The following HS3ST5 variants were observed in gnomAD, a reference collection of about 807,000 sequenced individuals.
The protein encoded by HS3ST5 is heparan sulfate glucosamine 3-O-sulfotransferase 5.
Under a neutral mutation model 25.4 loss-of-function variants are expected in HS3ST5, and 10 were observed. The ratio of observed to expected loss-of-function variants is 0.39; its 90% confidence interval spans 0.24 to 0.67. HS3ST5 has a LOEUF of 0.67. Ranked by LOEUF, HS3ST5 falls within the 30% of genes least tolerant of loss-of-function variation. The pLI is 0.44. For synonymous variants in HS3ST5, 170 were observed against 162.4 expected (o/e 1.05, Z -0.36); for missense variants, 324 against 420.7 (o/e 0.77, Z 2.01).
At chr6:114,157,931 C>T (rs1030327107) in intron 3 of HS3ST5, among the ~76,000 whole-genome samples, 10 of 152,136 alleles carry the variant, frequency 6.6e-5, no homozygotes, top group Non-Finnish European at 1.5e-4. Flanking sequence ...CTAATGCTGC[C>T]TCCTCTGCCT....
intron 2 of HS3ST5, among the ~76,000 whole-genome samples, chr6:114,203,060 T>G (rs1781102598): frequency 6.6e-6 from 1 of 152,214 alleles, no homozygotes; most frequent in Non-Finnish European, 1.5e-5. Flanking sequence ...AGTGGGAAAT[T>G]GACAATTAAT....
chr6:114,328,971 T>TAA (rs1334733311), intron 1 of HS3ST5, among the ~76,000 whole-genome samples: 8 of 152,214 alleles, frequency 5.3e-5, no homozygotes, highest in Non-Finnish European at 7.3e-5. Context: ...AAATAGTTTT[T>TAA]TTTAATATCT....
chr6:114,248,028 T>C (rs6914673), intron 1 of HS3ST5, among the ~76,000 whole-genome samples: 85,153 of 150,740 alleles, frequency 0.56, 24,841 homozygotes, highest in African/African-American at 0.72. Context: ...GGCAAAACCC[T>C]GTCTTTACTA....
chr6:114,241,442 T>C (rs569009532), intron 1 of HS3ST5, among the ~76,000 whole-genome samples: 12 of 152,324 alleles, frequency 7.9e-5, no homozygotes, highest in African/African-American at 2.9e-4. Context: ...ACATTCATTA[T>C]GTATTTTCTC....
intron 3 of HS3ST5, among the ~76,000 whole-genome samples, chr6:114,119,810 A>G (rs1363520081): frequency 6.6e-6 from 1 of 152,192 alleles, no homozygotes; most frequent in African/African-American, 2.4e-5. Flanking sequence ...AATTATGTCA[A>G]AATGTTGGGG....
chr6:114,104,428 G>C (rs898772548), intron 3 of HS3ST5, among the ~76,000 whole-genome samples: 8 of 152,144 alleles, frequency 5.3e-5, no homozygotes, highest in African/African-American at 1.7e-4. Flanking sequence ...ATTTTACTCT[G>C]CATTTTCTTC....
intron 3 of HS3ST5, among the ~76,000 whole-genome samples, chr6:114,098,468 ACT>A (rs1415792043): frequency 1.3e-5 from 2 of 149,006 alleles, no homozygotes; most frequent in African/African-American, 2.4e-5. Flanking sequence ...CTTTATGGCC[ACT>A]CTCAAATTAT....
intron 1 of HS3ST5, among the ~76,000 whole-genome samples, chr6:114,323,076 T>C (rs952476821): frequency 4.6e-5 from 7 of 152,046 alleles, no homozygotes; most frequent in South Asian, 2.1e-4. Context: ...AATACACACA[T>C]AGTGGGAGGG....
intron 2 of HS3ST5, among the ~76,000 whole-genome samples, chr6:114,212,869 G>A (rs1582721088): frequency 3.3e-5 from 5 of 152,142 alleles, no homozygotes; most frequent in Admixed American, 3.3e-4. Flanking sequence ...ATGGGAGGGG[G>A]AGAATGCAGG....
intron 1 of HS3ST5, among the ~76,000 whole-genome samples, chr6:114,282,787 A>G (rs1383261890): frequency 6.6e-6 from 1 of 152,036 alleles, no homozygotes; most frequent in African/African-American, 2.4e-5. Context: ...AAGCTTTTAC[A>G]TAGCTAGACA....
intron 1 of HS3ST5, among the ~76,000 whole-genome samples, chr6:114,331,745 G>A (rs1776406333): frequency 6.6e-6 from 1 of 152,026 alleles, no homozygotes; most frequent in African/African-American, 2.4e-5. Flanking sequence ...TAATCTACAG[G>A]TCATTTCTAT....
intron 3 of HS3ST5, among the ~76,000 whole-genome samples, chr6:114,164,143 A>AT (rs60677328): frequency 0.34 from 12,251 of 36,548 alleles, 579 homozygotes; most frequent in South Asian, 0.44. Flanking sequence ...AATATGTAGG[A>AT]TTTTTTTTGC....
intron 3 of HS3ST5, among the ~76,000 whole-genome samples, chr6:114,129,470 T>G (rs978710411): frequency 3.3e-5 from 5 of 152,072 alleles, no homozygotes; most frequent in African/African-American, 4.8e-5. Context: ...TTAGCCAGGA[T>G]GGTCTCGATC....
rs762305668 is a variant in HS3ST5, at chr6:114,055,946, G to A, written c.*1311C>T. The A allele has an allele frequency of 2.0e-4, 30 of 152,230 alleles. No homozygotes were observed. The highest frequency in any genetic ancestry group is 4.1e-4 in the Non-Finnish European group (28 of 68,038). The allele number at this position is 152,230 out of a possible 1,614,324, so 9.4% of individuals were successfully genotyped here. ...ATGGAAATATGAGCCATATGTTTAT[G>A]TTAGTAATGGCAACACTAGGCAGCT... is the stretch of plus-strand genomic sequence containing the variant. On this transcript the variant is annotated 3_prime_UTR_variant, in exon 5 of 5. Coordinates refer to ENST00000312719, the MANE Select transcript of HS3ST5 (RefSeq NM_153612.4).
chr6:114,199,434 C>T (rs144937763), intron 2 of HS3ST5, among the ~76,000 whole-genome samples: 2,387 of 152,106 alleles, frequency 0.016, 24 homozygotes, highest in Non-Finnish European at 0.025. Context: ...ATTCTATGCC[C>T]AAATAAGTTT....
intron 1 of HS3ST5, among the ~76,000 whole-genome samples, chr6:114,251,016 C>T (rs186560354): frequency 1.3e-5 from 2 of 152,126 alleles, no homozygotes; most frequent in African/African-American, 4.8e-5. Context: ...CATGAGAAAA[C>T]CCCTGAAATG....
chr6:114,201,290 G>C (rs1256768173), intron 2 of HS3ST5, among the ~76,000 whole-genome samples: 1 of 152,084 alleles, frequency 6.6e-6, no homozygotes, highest in African/African-American at 2.4e-5. Context: ...TTTACCTATA[G>C]TAAAGAAATC....
chr6:114,097,797 T>C (rs1477393864), intron 3 of HS3ST5, among the ~76,000 whole-genome samples: 1 of 151,968 alleles, frequency 6.6e-6, no homozygotes, highest in African/African-American at 2.4e-5. Context: ...TATTTTCTGG[T>C]TTCCCATCTC....
chr6:114,314,465 T>C (rs1775668602), intron 1 of HS3ST5, among the ~76,000 whole-genome samples: 1 of 152,202 alleles, frequency 6.6e-6, no homozygotes, highest in South Asian at 2.1e-4. Flanking sequence ...GAAATCCATA[T>C]ATATGCCTCT....
Sources: gnomAD v4.1 joint callset for allele counts (sites outside exome capture counted in the v4.1 genomes callset) on GRCh38, gnomAD v4.1.1 for gene constraint, MANE v1.5 for transcripts, NCBI Gene and HGNC (gene_info 2026-07-23, HGNC 2026-07-21) for gene names.